SIRPB2: variants seen among roughly 807,000 people sequenced by gnomAD.
SIRPB2 encodes signal regulatory protein beta 2.
In SIRPB2, 18 loss-of-function variants were observed where a neutral mutation model predicts 27.1. The observed-to-expected ratio is 0.66, with a 90% CI of 0.46 to 0.98. The LOEUF is 0.98. Ranked by LOEUF, SIRPB2 falls within the 50% of genes least tolerant of loss-of-function variation. The pLI, the probability that SIRPB2 is intolerant of heterozygous loss-of-function variation, is 0.00. For missense variants in SIRPB2, 420 were observed against 417.4 expected, an observed-to-expected ratio of 1.01 and a Z score of -0.06; for synonymous variants, 150 against 164.6, an observed-to-expected ratio of 0.91 and a Z score of 0.68.
chr20:1,472,253 C>G (rs2090583012), downstream of SIRPB2, among the ~76,000 whole-genome samples: 1 of 152,218 alleles, frequency 6.6e-6, no homozygotes, highest in African/African-American at 2.4e-5. Flanking sequence ...ATTCCCCACC[C>G]TTTCTATCTG....
chr20:1,473,949 C>T (rs538323890), downstream of SIRPB2: 28 of 447,078 alleles, frequency 6.3e-5, no homozygotes, highest in African/African-American at 3.6e-4. Context: ...ATTGGCAGGG[C>T]CACACTTCCT....
chr20:1,482,248 G>T (rs2090678662), intron 1 of SIRPB2, among the ~76,000 whole-genome samples: 1 of 152,014 alleles, frequency 6.6e-6, no homozygotes, highest in South Asian at 2.1e-4. Flanking sequence ...TACATTGCAG[G>T]TCCTCTTTCC....
chr20:1,477,382 T>G lies in SIRPB2; in HGVS notation c.815A>C (p.Glu272Ala). 6.2e-7 allele frequency: 1 copy of G among 1,613,646 alleles called. No homozygotes were observed. The highest frequency in any genetic ancestry group is 1.7e-4 in the Middle Eastern group (1 of 6,058). Residue 272 changes from glutamate to alanine, a missense_variant, in exon 4 of 5, where the codon GAG becomes GCG. Transcript: ENST00000359801. ...TGCAGGTTCACTGGTGAATTCTGCC[T>G]CTTTGGAAGAGGTAGATTTTGCTGC... Reference protein sequence around the residue: ...KVKAKSTSSKEAEFTSEPATE... With the variant: ...KVKAKSTSSKAAEFTSEPATE...
Position 1,476,253 on chromosome 20 carries a change from G to A in SIRPB2, c.943C>T (p.Arg315Trp), listed in dbSNP as rs763155095. 108 of 1,613,924 alleles carry A rather than the reference G, an allele frequency of 6.7e-5. No individual in the cohort carries two copies. Among genetic ancestry groups the A allele is most frequent in the Admixed American group, 1.2e-4 (7 of 59,986 alleles). Reference protein sequence around the residue: ...AALLLALATSRRSPGQEDVKT... With the variant: ...AALLLALATSWRSPGQEDVKT... Reference sequence around the variant, plus strand: ...ACATCTTCTTGCCCAGGGCTCCTCCGAGAGGTAGCCAGGGCCAGTAGGAGT... The same window carrying A: ...ACATCTTCTTGCCCAGGGCTCCTCCAAGAGGTAGCCAGGGCCAGTAGGAGT... Residue 315 changes from arginine to tryptophan, a missense_variant, in exon 5 of 5, where the codon CGG becomes TGG. Coordinates refer to ENST00000359801, the MANE Select transcript of SIRPB2 (RefSeq NM_001122962.2).
chr20:1,477,524 A>G lies in SIRPB2; in HGVS notation c.794-121T>C. 3 of 1,487,222 alleles carry G rather than the reference A, an allele frequency of 2.0e-6. No homozygotes were observed. In the South Asian group the frequency reaches 4.1e-5, roughly 20 times the overall value. The allele number at this position is 1,487,222 out of a possible 1,614,324, so 92.1% of individuals were successfully genotyped here. A position where few individuals can be genotyped will look rare whatever the true frequency, so the allele number is the denominator to read the frequency against. Reference sequence around the variant, plus strand: ...AGTTTCTATGTGGGTATGGGCTAGAAGTCAAACCCTGCAGCTATGAAGGAC... The same window carrying G: ...AGTTTCTATGTGGGTATGGGCTAGAGGTCAAACCCTGCAGCTATGAAGGAC... On this transcript the variant is annotated intron_variant, in intron 3 of 4. Coordinates refer to ENST00000359801, the MANE Select transcript of SIRPB2 (RefSeq NM_001122962.2).
At chr20:1,473,971 A>AG, downstream of SIRPB2, 2 of 422,742 alleles carry the variant, frequency 4.7e-6, no homozygotes, top group Non-Finnish European at 9.6e-6. Context: ...CGGAGGCTCC[A>AG]GGGGGAGAAT....
intron 1 of SIRPB2, among the ~76,000 whole-genome samples, chr20:1,484,676 G>A (rs907833946): frequency 6.7e-6 from 1 of 149,854 alleles, no homozygotes; most frequent in Non-Finnish European, 1.5e-5. Context: ...TGGAACGACT[G>A]TTAAAAAGGC....
At position 1,479,937 on chromosome 20, in the gene SIRPB2, T is replaced by C. The variant is rs774008304; in HGVS notation, c.214A>G (p.Lys72Glu). The C allele has an allele frequency of 6.2e-7, 1 of 1,614,210 alleles. No homozygotes were observed. The highest frequency in any genetic ancestry group is 8.5e-7 in the Non-Finnish European group (1 of 1,180,036). Residue 72 changes from lysine to glutamate, a missense_variant, in exon 2 of 5, where the codon AAA (lysine) becomes GAA (glutamate). Transcript: ENST00000359801. Reference protein sequence around the residue: ...VVGSCTDGMIKWVKVSTQDQQ... With the variant: ...VVGSCTDGMIEWVKVSTQDQQ... ...TCCTGAGTGCTCACCTTCACCCATTTTATCATACCATCAGTGCAGGAGCCG... is the reference window on the plus strand; with the variant it reads ...TCCTGAGTGCTCACCTTCACCCATTCTATCATACCATCAGTGCAGGAGCCG...
intron 1 of SIRPB2, among the ~76,000 whole-genome samples, chr20:1,481,911 C>G (rs935496796): frequency 3.3e-5 from 5 of 152,156 alleles, no homozygotes; most frequent in African/African-American, 1.2e-4. Flanking sequence ...GTGCCCATCA[C>G]TCAGCACAGG....
intron 4 of SIRPB2, chr20:1,476,657 C>A: frequency 9.9e-7 from 1 of 1,007,870 alleles, no homozygotes; most frequent in Non-Finnish European, 1.2e-6. Flanking sequence ...AGGAGACAGA[C>A]CCAGAGTGGG....
At chr20:1,486,076 C>A (rs924850995) in intron 1 of SIRPB2, among the ~76,000 whole-genome samples, 1 of 141,514 alleles carries the variant, frequency 7.1e-6, no homozygotes, top group Non-Finnish European at 1.5e-5. Context: ...CTTTTCTTTT[C>A]TTTTTTTTTT....
chr20:1,479,691 G>T lies in SIRPB2; in HGVS notation c.451+9C>A, dbSNP rs1253544707. 1.2e-6 allele frequency: 2 copies of T among 1,613,046 alleles called. No individual in the cohort carries two copies. The highest frequency in any genetic ancestry group is 2.2e-5 in the South Asian group (2 of 90,954). On this transcript the variant is annotated intron_variant, in intron 2 of 4. Transcript: ENST00000359801. ...AGCAAATGTGTGGTCTGCAGGGCCT[G>T]ATCCTTACCCTTCACAAGCACTGAG... is the stretch of plus-strand genomic sequence containing the variant.
rs1271869788 is a variant in SIRPB2, at chr20:1,474,582, T to G, written c.*1585A>C. 1.3e-5 allele frequency: 2 copies of G among 152,942 alleles called. No individual in the cohort carries two copies. Among genetic ancestry groups the G allele is most frequent in the African/African-American group, 2.4e-5 (1 of 41,480 alleles). 9.5% of individuals were successfully genotyped at this position (152,942 alleles called of 1,614,324 possible). ...AATGCAGAATTGAATTGGTTCTTTT[T>G]TTTTTTTTGAGACGGAGTTTTGCTC... On this transcript the variant is annotated 3_prime_UTR_variant, in exon 5 of 5. Transcript: ENST00000359801.
At chr20:1,477,152 A>G in intron 4 of SIRPB2, 186 bp downstream of exon 4, 1 of 1,559,604 alleles carries the variant, frequency 6.4e-7, no homozygotes, top group Non-Finnish European at 8.7e-7. Flanking sequence ...AAAGTTCGTT[A>G]TAGCTGAGCT....
chr20:1,477,257 G>C (rs762728841), intron 4 of SIRPB2, 81 bp downstream of exon 4: 4 of 1,613,866 alleles, frequency 2.5e-6, no homozygotes, highest in Non-Finnish European at 3.4e-6. Flanking sequence ...GTCTGGGACT[G>C]CTCCCTTCCC....
At chr20:1,477,481 C>T (rs1378260220) in intron 3 of SIRPB2, 78 bp from the exon 4 acceptor site, 9 of 1,538,884 alleles carry the variant, frequency 5.8e-6, no homozygotes, top group South Asian at 1.3e-5. Context: ...GAGCTGGGAT[C>T]TCTGGGATGA....
intron 1 of SIRPB2, among the ~76,000 whole-genome samples, chr20:1,483,868 G>C (rs1314719769): frequency 6.6e-6 from 1 of 151,728 alleles, no homozygotes; most frequent in Middle Eastern, 3.2e-3. Flanking sequence ...TGATTTCTTT[G>C]TATTGTTTTT....
chr20:1,488,277 A>G (rs2090746009), intron 1 of SIRPB2, among the ~76,000 whole-genome samples: 1 of 152,254 alleles, frequency 6.6e-6, no homozygotes, highest in South Asian at 2.1e-4. Flanking sequence ...AGAGTCGAAT[A>G]GACACTTCAC....
intron 1 of SIRPB2, among the ~76,000 whole-genome samples, chr20:1,484,420 A>G (rs147026286): frequency 6.6e-6 from 1 of 152,346 alleles, no homozygotes; most frequent in African/African-American, 2.4e-5. Context: ...AAACTCTTGA[A>G]TGAGAGAAAA....
Sources: gnomAD v4.1 joint callset for allele counts (sites outside exome capture counted in the v4.1 genomes callset) on GRCh38, gnomAD v4.1.1 for gene constraint, MANE v1.5 for transcripts, NCBI Gene and HGNC (gene_info 2026-07-23, HGNC 2026-07-21) for gene names.